UGGT2: variants seen among roughly 807,000 people sequenced by gnomAD.
UGGT2 encodes UDP-glucose glycoprotein glucosyltransferase 2.
UGGT2 carries 180 observed loss-of-function variants against 192.1 expected under a neutral mutation model. The ratio of observed to expected loss-of-function variants is 0.94; its 90% CI spans 0.83 to 1.06. The LOEUF is 1.06. Among genes scored for constraint, UGGT2 ranks in the 50% least tolerant of loss-of-function variants. The pLI, the probability that UGGT2 is intolerant of heterozygous loss-of-function variation, is 0.00. For synonymous variants in UGGT2, 580 were observed against 591.0 expected, an observed-to-expected ratio of 0.98 and a Z score of 0.27; for missense variants, 1,849 against 1,795.7, an observed-to-expected ratio of 1.03 and a Z score of -0.54.
intron 20 of UGGT2, among the ~76,000 whole-genome samples, chr13:95,912,818 C>G (rs936680246): frequency 1.2e-4 from 19 of 152,094 alleles, no homozygotes; most frequent in Admixed American, 3.9e-4. Flanking sequence ...GGAGGCATCA[C>G]GCTACCTGAC....
rs752214797 is a variant in UGGT2, at chr13:95,903,136, T to C, written c.2296-76A>G. 7 of 1,407,750 alleles carry C rather than the reference T, an allele frequency of 5.0e-6. 1 individual carries two copies. Among genetic ancestry groups the C allele is most frequent in the Non-Finnish European group, 9.6e-7 (1 of 1,046,622 alleles). The allele number at this position is 1,407,750 out of a possible 1,614,324, so 87.2% of individuals were successfully genotyped here. ...ACAGGTGAATATATTTTCTTTCCCA[T>C]CCAGTTTGTTCACTGTATCATGCAC... On this transcript the variant is annotated intron_variant, in intron 20 of 38. Coordinates refer to ENST00000376747, the MANE Select transcript of UGGT2 (RefSeq NM_020121.4).
At chr13:95,819,972 A>T (rs976910054) in intron 38 of UGGT2, among the ~76,000 whole-genome samples, 1 of 152,184 alleles carries the variant, frequency 6.6e-6, no homozygotes, top group Non-Finnish European at 1.5e-5. Flanking sequence ...AGCTTGACCT[A>T]CATGGCAAAA....
intron 2 of UGGT2, among the ~76,000 whole-genome samples, chr13:96,024,133 T>C (rs2052597408): frequency 6.6e-6 from 1 of 152,234 alleles, no homozygotes; most frequent in African/African-American, 2.4e-5. Flanking sequence ...TGATTGTTAA[T>C]GAATTTTAAA....
intron 5 of UGGT2, among the ~76,000 whole-genome samples, chr13:96,008,627 A>T (rs1251565729): frequency 6.6e-6 from 1 of 152,246 alleles, no homozygotes; most frequent in Admixed American, 6.5e-5. Context: ...AATCCCATTT[A>T]CAATTGCCAT....
intron 22 of UGGT2, 45 bp downstream of exon 22, chr13:95,900,762 C>T (rs1439025753): frequency 1.3e-6 from 2 of 1,581,168 alleles, no homozygotes; most frequent in Non-Finnish European, 1.7e-6. Flanking sequence ...GACCAGTGCA[C>T]TGCAGTGTCA....
intron 7 of UGGT2, among the ~76,000 whole-genome samples, chr13:95,992,810 T>C (rs2051499232): frequency 6.6e-6 from 1 of 152,180 alleles, no homozygotes; most frequent in Non-Finnish European, 1.5e-5. Context: ...AGGGAATGCT[T>C]ATATGCTGTT....
At chr13:95,818,363 C>A (rs909967278) in intron 38 of UGGT2, among the ~76,000 whole-genome samples, 2 of 152,132 alleles carry the variant, frequency 1.3e-5, no homozygotes, top group Non-Finnish European at 2.9e-5. Flanking sequence ...AACAACATGG[C>A]GGCAGCTTAT....
At chr13:95,863,947 G>A (rs907077716) in intron 30 of UGGT2, among the ~76,000 whole-genome samples, 2 of 152,058 alleles carry the variant, frequency 1.3e-5, no homozygotes, top group Admixed American at 1.3e-4. Context: ...GCTAAATAAT[G>A]TGCTTACCCT....
chr13:95,809,429 C>T (rs983530117), intron 38 of UGGT2: 1 of 384,034 alleles, frequency 2.6e-6, no homozygotes, highest in African/African-American at 2.1e-5. Flanking sequence ...AGCCCATTTT[C>T]CCTTTGCTCC....
intron 38 of UGGT2, among the ~76,000 whole-genome samples, chr13:95,803,565 G>T (rs1357413218): frequency 1.3e-5 from 2 of 152,108 alleles, no homozygotes; most frequent in African/African-American, 4.8e-5. Context: ...CGGCCGAAAA[G>T]GGGTATTTTT....
At position 95,937,026 on chromosome 13, in the gene UGGT2, A is replaced by C; in HGVS notation, c.1875T>G (p.Gly625=). The change falls in exon 17 of 39, where the codon GGT becomes GGG. Residue 625 remains glycine, a synonymous_variant. Coordinates refer to ENST00000376747, the MANE Select transcript of UGGT2 (RefSeq NM_020121.4). ...TCATCTCTTCATGTTTAAAGGGTTCACCATTATAAAGAGCTTGAGGCAAAG... is the reference window on the plus strand; with the variant it reads ...TCATCTCTTCATGTTTAAAGGGTTCCCCATTATAAAGAGCTTGAGGCAAAG... The part of the protein sequence containing the change: ...LGPLPQALYN[G]EPFKHEEMNI... 6.2e-7 allele frequency: 1 copy of C among 1,605,614 alleles called. No homozygotes were observed. The highest frequency in any genetic ancestry group is 1.1e-5 in the South Asian group (1 of 88,862).
rs1224207258 is a variant in UGGT2, at chr13:95,927,356, A to G, written c.1978-20T>C. 6.3e-7 allele frequency: 1 copy of G among 1,585,648 alleles called. No individual in the cohort carries two copies. The highest frequency in any genetic ancestry group is 1.4e-5 in the African/African-American group (1 of 73,898). On this transcript the variant is annotated intron_variant, in intron 17 of 38. Coordinates refer to ENST00000376747, the MANE Select transcript of UGGT2 (RefSeq NM_020121.4). The stretch of plus-strand genomic sequence containing the variant: ...TGTGCCCTAAAAAAACAAAAATGTT[A>G]TTTAGATAATACAGGCAATTTATAT...
chr13:95,827,961 T>C (rs2139841808), intron 38 of UGGT2, among the ~76,000 whole-genome samples: 1 of 152,278 alleles, frequency 6.6e-6, no homozygotes, highest in Non-Finnish European at 1.5e-5. Flanking sequence ...TTCATCTCCC[T>C]ATACCACGAC....
At chr13:95,822,429 A>G (rs1885602060) in intron 38 of UGGT2, among the ~76,000 whole-genome samples, 2 of 152,124 alleles carry the variant, frequency 1.3e-5, no homozygotes, top group Non-Finnish European at 2.9e-5. Flanking sequence ...TATCAGAACT[A>G]GGATTTTTTT....
chr13:95,881,365 A>G (rs2047489701), intron 27 of UGGT2, among the ~76,000 whole-genome samples: 1 of 152,152 alleles, frequency 6.6e-6, no homozygotes, highest in Admixed American at 6.5e-5. Context: ...TAAATTTCTA[A>G]GTTTTGCAGA....
In UGGT2 at chr13:95,947,036, C is replaced by T. The variant is rs1257891063; in HGVS notation, c.1677+1G>A. On this transcript the variant is annotated splice_donor_variant, in intron 15 of 38. Coordinates refer to ENST00000376747, the MANE Select transcript of UGGT2 (RefSeq NM_020121.4). LOFTEE classifies it high-confidence loss of function. ...AAATCACATTTAGTGCATAAACTCA[C>T]GTGTACTATAGAAATAAATGCTTCT... The T allele has an allele frequency of 2.5e-6, 4 of 1,587,366 alleles. No homozygotes were observed. Among genetic ancestry groups the T allele is most frequent in the African/African-American group, 1.4e-5 (1 of 73,542 alleles).
At chr13:96,049,903 C>A (rs559199499) in intron 1 of UGGT2, among the ~76,000 whole-genome samples, 1 of 152,152 alleles carries the variant, frequency 6.6e-6, no homozygotes. Flanking sequence ...GGCCATACTG[C>A]CCAAGGTAAT....
At chr13:96,005,907 A>T (rs970599726) in intron 5 of UGGT2, among the ~76,000 whole-genome samples, 6 of 152,198 alleles carry the variant, frequency 3.9e-5, no homozygotes, top group African/African-American at 1.4e-4. Flanking sequence ...GTGGAACACA[A>T]ACGTGAAACC....
chr13:96,029,171 T>A (rs2052755909), intron 2 of UGGT2, among the ~76,000 whole-genome samples: 1 of 152,140 alleles, frequency 6.6e-6, no homozygotes, highest in African/African-American at 2.4e-5. Flanking sequence ...CTCTGCTCAT[T>A]ATTTCTCATT....
Sources: allele counts gnomAD v4.1 joint callset (sites outside exome capture counted in the v4.1 genomes callset), GRCh38; gene constraint gnomAD v4.1.1; transcripts MANE v1.5; gene names NCBI Gene and HGNC (gene_info 2026-07-23, HGNC 2026-07-21).